The following SPATA16 variants were observed in gnomAD, a reference collection of about 807,000 sequenced individuals.
The protein encoded by SPATA16 is spermatogenesis associated 16, also known as spermatogenesis-associated protein 16.
Under a neutral mutation model 63.3 loss-of-function variants are expected in SPATA16, and 36 were observed. The ratio of observed to expected loss-of-function variants is 0.57; its 90% CI spans 0.44 to 0.75. The LOEUF (loss-of-function observed/expected upper bound fraction) is 0.75. Ranked by LOEUF, SPATA16 falls within the 30% of genes least tolerant of loss-of-function variation. SPATA16 has a pLI of 0.00. For synonymous variants in SPATA16, 203 were observed against 216.7 expected (o/e 0.94, Z 0.56); for missense variants, 646 against 679.3 (o/e 0.95, Z 0.54).
intron 1 of SPATA16, among the ~76,000 whole-genome samples, chr3:173,129,093 T>A (rs918214168): frequency 2.0e-5 from 3 of 152,248 alleles, no homozygotes; most frequent in Non-Finnish European, 4.4e-5. Flanking sequence ...ATCCATTTAG[T>A]CAATAAACTC....
intron 3 of SPATA16, among the ~76,000 whole-genome samples, chr3:173,039,271 A>G (rs1735784941): frequency 6.6e-6 from 1 of 152,142 alleles, no homozygotes; most frequent in African/African-American, 2.4e-5. Context: ...TATATTAGAA[A>G]GTAAAAAACA....
chr3:172,924,846 A>C (rs1039074552), intron 7 of SPATA16, among the ~76,000 whole-genome samples: 2 of 152,202 alleles, frequency 1.3e-5, no homozygotes, highest in African/African-American at 4.8e-5. Context: ...CTCCATGTGA[A>C]TATTTTCTTG....
intron 6 of SPATA16, among the ~76,000 whole-genome samples, chr3:172,927,917 C>A (rs1391869850): frequency 6.7e-6 from 1 of 149,896 alleles, no homozygotes; most frequent in Non-Finnish European, 1.5e-5. Flanking sequence ...CTTTTTTTTT[C>A]TTTTTTTTTG....
intron 8 of SPATA16, among the ~76,000 whole-genome samples, chr3:172,918,558 T>G (rs1334075249): frequency 6.6e-6 from 1 of 152,092 alleles, no homozygotes; most frequent in Admixed American, 6.6e-5. Flanking sequence ...GATAGGGGTT[T>G]TTGAAAGACA....
chr3:172,977,199 A>C (rs1387227721), intron 4 of SPATA16, 147 bp from the exon 5 acceptor site: 2 of 717,770 alleles, frequency 2.8e-6, no homozygotes, highest in South Asian at 3.4e-5. Context: ...AACACAAAGC[A>C]CATTTTAGAG....
chr3:173,061,979 T>C (rs1736390646), intron 2 of SPATA16, among the ~76,000 whole-genome samples: 1 of 152,150 alleles, frequency 6.6e-6, no homozygotes, highest in Non-Finnish European at 1.5e-5. Context: ...TGACAAGCTA[T>C]TGAATGACAG....
chr3:173,049,582 T>C (rs1485610460), intron 2 of SPATA16, among the ~76,000 whole-genome samples: 1 of 152,134 alleles, frequency 6.6e-6, no homozygotes, highest in Non-Finnish European at 1.5e-5. Context: ...GGAAGTAAAC[T>C]CCTAGGAGCC....
At chr3:173,098,708 G>T (rs1378311464) in intron 2 of SPATA16, among the ~76,000 whole-genome samples, 1 of 152,102 alleles carries the variant, frequency 6.6e-6, no homozygotes, top group Non-Finnish European at 1.5e-5. Flanking sequence ...CTGTGAAAAA[G>T]AAGAAACTGA....
chr3:172,969,060 G>A (rs1225148154), intron 5 of SPATA16, among the ~76,000 whole-genome samples: 1 of 152,096 alleles, frequency 6.6e-6, no homozygotes, highest in Non-Finnish European at 1.5e-5. Flanking sequence ...ATATTGTCTA[G>A]CTCAATAGAC....
intron 2 of SPATA16, among the ~76,000 whole-genome samples, chr3:173,113,323 T>C (rs1390036683): frequency 6.6e-6 from 1 of 152,242 alleles, no homozygotes; most frequent in East Asian, 1.9e-4. Flanking sequence ...GTTTAGCTTC[T>C]GGTGTGAATA....
chr3:172,955,173 A>G (rs1400240644), intron 6 of SPATA16, among the ~76,000 whole-genome samples: 2 of 152,170 alleles, frequency 1.3e-5, no homozygotes, highest in African/African-American at 2.4e-5. Flanking sequence ...CTTCCGAACT[A>G]TTAATTAATC....
At chr3:173,022,405 G>T (rs991485671) in intron 3 of SPATA16, among the ~76,000 whole-genome samples, 1 of 151,930 alleles carries the variant, frequency 6.6e-6, no homozygotes, top group African/African-American at 2.4e-5. Flanking sequence ...AAGAATATTT[G>T]GTAATTTGAG....
intron 3 of SPATA16, among the ~76,000 whole-genome samples, chr3:173,029,417 G>T (rs2861065): frequency 0.43 from 56,521 of 130,306 alleles, 13,065 homozygotes; most frequent in African/African-American, 0.68. Flanking sequence ...TTTTTTTTTT[G>T]TTTGTTTGTT....
chr3:172,919,364 T>C (rs1732569647), intron 8 of SPATA16, among the ~76,000 whole-genome samples: 1 of 152,196 alleles, frequency 6.6e-6, no homozygotes, highest in African/African-American at 2.4e-5. Context: ...TGAGGTTCAG[T>C]AGGATTAGAA....
chr3:172,897,921 G>C (rs1189520858), intron 10 of SPATA16, among the ~76,000 whole-genome samples: 1 of 151,816 alleles, frequency 6.6e-6, no homozygotes, highest in Non-Finnish European at 1.5e-5. Context: ...AATTTGAGGA[G>C]GTTCCTCTTT....
chr3:173,039,730 G>A (rs1388629859), intron 3 of SPATA16, among the ~76,000 whole-genome samples: 1 of 152,090 alleles, frequency 6.6e-6, no homozygotes, highest in African/African-American at 2.4e-5. Flanking sequence ...CTATCAACTT[G>A]AATATAAGGG....
intron 4 of SPATA16, among the ~76,000 whole-genome samples, chr3:173,017,304 A>G (rs1489823469): frequency 1.3e-5 from 2 of 152,268 alleles, no homozygotes; most frequent in Non-Finnish European, 2.9e-5. Context: ...ATCAAATGAT[A>G]TTAAGCAGAT....
rs1222470299 is a variant in SPATA16, at chr3:172,924,470, CAAAG to C, written c.1229-157_1229-154del. 5.3e-5 allele frequency among the ~76,000 whole-genome samples: 8 copies of C among 152,070 alleles called. 1 individual carries two copies. The highest frequency in any genetic ancestry group is 2.0e-4 in the Admixed American group (3 of 15,272). ...TCCCATCCCTAGACCATATGTATAA[CAAAG>C]AAAGATCTATGGGGAGAAAGGCAGA... is the stretch of plus-strand genomic sequence containing the variant. On this transcript the variant is annotated intron_variant, in intron 7 of 10. Transcript: ENST00000351008.
intron 4 of SPATA16, among the ~76,000 whole-genome samples, chr3:173,006,934 T>C (rs1447065562): frequency 6.6e-6 from 1 of 152,220 alleles, no homozygotes; most frequent in Non-Finnish European, 1.5e-5. Context: ...CTAAATGTTA[T>C]ACTAATTCTT....
Sources: gnomAD v4.1 joint callset for allele counts (sites outside exome capture counted in the v4.1 genomes callset) on GRCh38, gnomAD v4.1.1 for gene constraint, MANE v1.5 for transcripts, NCBI Gene and HGNC (gene_info 2026-07-23, HGNC 2026-07-21) for gene names.